The following ABLIM2 variants were observed in gnomAD, a reference collection of about 807,000 sequenced individuals.
ABLIM2 encodes actin binding LIM protein family member 2.
ABLIM2 carries 53 observed loss-of-function variants against 97.7 expected under a neutral mutation model. That is an observed-to-expected ratio of 0.54 (90% CI 0.44 to 0.68). The LOEUF is 0.68. Ranked by LOEUF, ABLIM2 falls within the 30% of genes least tolerant of loss-of-function variation. The probability of loss-of-function intolerance (pLI) is 0.00; values close to 1 mark genes in which losing one functional copy is unlikely to be tolerated. For missense variants in ABLIM2, 835 were observed against 867.2 expected, an observed-to-expected ratio of 0.96 and a Z score of 0.47; for synonymous variants, 361 against 345.8, an observed-to-expected ratio of 1.04 and a Z score of -0.49.
rs1841396069 is a variant in ABLIM2 at position 8,113,634 on chromosome 4, C to T, written c.11-6997G>A. On this transcript the variant is annotated intron_variant, in intron 1 of 20. Transcript: ENST00000447017. This position sits in a 1 kb window ranked among gnomAD's most constrained non-coding sequence, Gnocchi z 4.5. ...CACACAGGGGAAAACTTGGGGTCCA[C>T]CCATGGCAGGGGTTCTCATCGGAGG... Among the ~76,000 whole-genome samples the T allele has an allele frequency of 6.6e-6, 1 of 152,222 alleles. No individual in the cohort carries two copies. Among genetic ancestry groups the T allele is most frequent in the African/African-American group, 2.4e-5 (1 of 41,460 alleles).
chr4:8,154,026 G>C (rs1297863866), intron 1 of ABLIM2, among the ~76,000 whole-genome samples: 2 of 148,854 alleles, frequency 1.3e-5, no homozygotes, highest in Non-Finnish European at 3.0e-5. Context: ...GCAGTGGCGT[G>C]ATCTCGGCTC....
At chr4:7,989,783 A>G (rs1342188405) in intron 17 of ABLIM2, among the ~76,000 whole-genome samples, 1 of 152,172 alleles carries the variant, frequency 6.6e-6, no homozygotes, top group East Asian at 1.9e-4. Flanking sequence ...CTTTTTCAGA[A>G]TGGGACTTCT....
rs909285409 is a variant in ABLIM2, at chr4:7,992,994, G to A, written c.1619-67C>T. The A allele has an allele frequency of 1.2e-5, 18 of 1,547,682 alleles. No individual in the cohort carries two copies. The Admixed American group carries it at 1.9e-4, about 17-fold the overall frequency. On this transcript the variant is annotated intron_variant, in intron 16 of 20. Coordinates refer to ENST00000447017, the MANE Select transcript of ABLIM2 (RefSeq NM_001130083.2). The surrounding 1 kb of genome is among the most constrained non-coding windows in gnomAD (Gnocchi z 5.7). ...GGTGCAGCAATGGGGGTGCAGCCCT[G>A]GGGGGGCTTCCCACCGGGGTGGGCA... is the stretch of plus-strand genomic sequence containing the variant.
chr4:8,005,564 A>C lies in ABLIM2; in HGVS notation c.1618+2495T>G, dbSNP rs1375389890. 6.6e-6 allele frequency among the ~76,000 whole-genome samples: 1 copy of C among 152,036 alleles called. No individual in the cohort carries two copies. The highest frequency in any genetic ancestry group is 1.5e-5 in the Non-Finnish European group (1 of 67,998). On this transcript the variant is annotated intron_variant, in intron 16 of 20. Transcript: ENST00000447017. This position sits in a 1 kb window ranked among gnomAD's most constrained non-coding sequence, Gnocchi z 4.9. The stretch of plus-strand genomic sequence containing the variant: ...TCAAAAGAACCCCGAGAGAAAAAAA[A>C]GGGTGGCTCCCTCTCAATCTCCATG...
At chr4:8,131,157 A>C (rs1013379651) in intron 1 of ABLIM2, among the ~76,000 whole-genome samples, 7 of 152,152 alleles carry the variant, frequency 4.6e-5, no homozygotes, top group Non-Finnish European at 7.3e-5. Context: ...CCCTTTTTCC[A>C]CATAAGGCAA....
intron 14 of ABLIM2, among the ~76,000 whole-genome samples, chr4:8,013,894 T>C (rs974731382): frequency 1.1e-4 from 16 of 152,204 alleles, no homozygotes; most frequent in Non-Finnish European, 2.1e-4. Context: ...GAGATGGACA[T>C]GGCACAGGGG....
At chr4:8,100,594 A>C (rs9884659) in intron 2 of ABLIM2, among the ~76,000 whole-genome samples, 3,774 of 152,078 alleles carry the variant, frequency 0.025, 172 homozygotes, top group African/African-American at 0.086. Context: ...TAAAAATGCA[A>C]AACTAGCTGG....
chr4:8,035,229 G>A (rs998351039), intron 10 of ABLIM2, among the ~76,000 whole-genome samples: 15 of 152,028 alleles, frequency 9.9e-5, no homozygotes, highest in African/African-American at 3.4e-4. Flanking sequence ...AGCAAGTCAG[G>A]AGGGCACCTG....
chr4:8,097,200 G>A lies in ABLIM2; in HGVS notation c.237C>T (p.Tyr79=), dbSNP rs201526857. 1.8e-4 allele frequency: 284 copies of A among 1,594,524 alleles called. No homozygotes were observed. The highest frequency in any genetic ancestry group is 1.5e-4 in the Non-Finnish European group (174 of 1,171,218). Residue 79 remains tyrosine (Y), a synonymous_variant, in exon 3 of 21, where the codon TAC becomes TAT. Coordinates refer to ENST00000447017, the MANE Select transcript of ABLIM2 (RefSeq NM_001130083.2). ...YICTLDYQRL[Y]GTRCFSCDQF... is the part of the protein sequence containing the mutation. ...GGTCGCAGCTGAAGCAGCGGGTGCC[G>A]TAGAGCCTCTGGTAGTCCAGCGTGC...
Position 7,966,927 on chromosome 4 carries a change from G to A in ABLIM2, c.*63C>T. 2 of 1,238,874 alleles carry A rather than the reference G, an allele frequency of 1.6e-6. No homozygotes were observed. Among genetic ancestry groups the A allele is most frequent in the Non-Finnish European group, 1.2e-6 (1 of 855,630 alleles). 76.7% of individuals were successfully genotyped at this position (1,238,874 alleles called of 1,614,324 possible). ...AAGGTGTGTGGGAGGGGTGTGTGCG[G>A]TTCTCGCCAGGGGCCCCTGGCCTCG... On this transcript the variant is annotated 3_prime_UTR_variant, in exon 21 of 21. Transcript: ENST00000447017.
At chr4:8,036,423 C>A (rs1784508000) in intron 9 of ABLIM2, 128 bp from the exon 10 acceptor site, 2 of 1,175,528 alleles carry the variant, frequency 1.7e-6, no homozygotes, top group Non-Finnish European at 2.4e-6. Context: ...AGGACAGTGC[C>A]CCCAAAGCCA....
rs1481557449 is a variant in ABLIM2 at position 7,998,484 on chromosome 4, G to A, written c.1619-5557C>T. 6.6e-6 allele frequency among the ~76,000 whole-genome samples: 1 copy of A among 151,862 alleles called. No homozygotes were observed. The highest frequency in any genetic ancestry group is 6.6e-5 in the Admixed American group (1 of 15,224). ...GCCCACCTGGGTCCCTGCCGGTGCTGCCTGTGGGGATAAAATGCCCTTCTT... is the reference window on the plus strand; with the variant it reads ...GCCCACCTGGGTCCCTGCCGGTGCTACCTGTGGGGATAAAATGCCCTTCTT... On this transcript the variant is annotated intron_variant, in intron 16 of 20. Coordinates refer to ENST00000447017, the MANE Select transcript of ABLIM2 (RefSeq NM_001130083.2). This position sits in a 1 kb window ranked among gnomAD's most constrained non-coding sequence, Gnocchi z 6.4.
In ABLIM2 at chr4:7,998,590, T is replaced by G; in HGVS notation, c.1619-5663A>C. 2.1e-6 allele frequency: 1 copy of G among 481,338 alleles called. No individual in the cohort carries two copies. Among genetic ancestry groups the G allele is most frequent in the Admixed American group, 2.2e-5 (1 of 46,240 alleles). 29.8% of individuals were successfully genotyped at this position (481,338 alleles called of 1,614,324 possible). On this transcript the variant is annotated intron_variant, in intron 16 of 20. Coordinates refer to ENST00000447017, the MANE Select transcript of ABLIM2 (RefSeq NM_001130083.2). The surrounding 1 kb of genome is among the most constrained non-coding windows in gnomAD (Gnocchi z 6.4). ...ATGCCCCTGGGTTCACTCCCAGGAC[T>G]GCGGGGTGCCTGCTGGCCACCTGCC...
chr4:8,158,757 C>CGCGCCCGCGCTATCCT lies in ABLIM2; in HGVS notation c.-84_-69dup. 7.7e-7 allele frequency: 1 copy of CGCGCCCGCGCTATCCT among 1,306,492 alleles called. No individual in the cohort carries two copies. The highest frequency in any genetic ancestry group is 9.7e-7 in the Non-Finnish European group (1 of 1,028,900). 80.9% of individuals were successfully genotyped at this position (1,306,492 alleles called of 1,614,324 possible). On this transcript the variant is annotated 5_prime_UTR_variant, in exon 1 of 21. Transcript: ENST00000447017. Reference sequence around the variant, plus strand: ...GCCAGACCCTCGGGCCCGCAGGTGCCGCGCCCGCGCTATCCTCCGCCCGCC... The same window carrying CGCGCCCGCGCTATCCT: ...GCCAGACCCTCGGGCCCGCAGGTGCCGCGCCCGCGCTATCCTGCGCCCGCGCTATCCTCCGCCCGCC...
In ABLIM2 at chr4:8,044,989, A is replaced by C. The variant is rs1303304150; in HGVS notation, c.900+175T>G. On this transcript the variant is annotated intron_variant, in intron 9 of 20. Coordinates refer to ENST00000447017, the MANE Select transcript of ABLIM2 (RefSeq NM_001130083.2). The surrounding 1 kb of genome is among the most constrained non-coding windows in gnomAD (Gnocchi z 4.4). ...ACAAACATGTCTGTGTTTCAGACTC[A>C]TAAAGCCTGTACCAACCTCCACCCC... Among the ~76,000 whole-genome samples the C allele has an allele frequency of 6.6e-6, 1 of 152,216 alleles. No individual in the cohort carries two copies. Among genetic ancestry groups the C allele is most frequent in the African/African-American group, 2.4e-5 (1 of 41,450 alleles).
Position 8,044,697 on chromosome 4 carries a change from A to C in ABLIM2, c.900+467T>G, listed in dbSNP as rs1311617005. Among the ~76,000 whole-genome samples the C allele has an allele frequency of 1.9e-4, 12 of 61,568 alleles. No homozygotes were observed. The highest frequency in any genetic ancestry group is 1.9e-3 in the East Asian group (4 of 2,084). 40.4% of individuals were successfully genotyped at this position (61,568 alleles called of 152,430 possible). A position where few individuals can be genotyped will look rare whatever the true frequency, so the allele number is the denominator to read the frequency against. ...TCTCTCTCTCTCTCTCTCTCGAACG[A>C]ACGAAAACGGGATCACATAATTTAC... is the stretch of plus-strand genomic sequence containing the variant. On this transcript the variant is annotated intron_variant, in intron 9 of 20. Coordinates refer to ENST00000447017, the MANE Select transcript of ABLIM2 (RefSeq NM_001130083.2). This position sits in a 1 kb window ranked among gnomAD's most constrained non-coding sequence, Gnocchi z 4.4.
At chr4:8,086,912 G>A (rs1824054585) in intron 4 of ABLIM2, among the ~76,000 whole-genome samples, 1 of 151,952 alleles carries the variant, frequency 6.6e-6, no homozygotes, top group Non-Finnish European at 1.5e-5. Context: ...CCCGGAAGCA[G>A]CGCCCTCCCG....
At chr4:8,097,890 C>G (rs950272547) in intron 2 of ABLIM2, among the ~76,000 whole-genome samples, 1 of 152,084 alleles carries the variant, frequency 6.6e-6, no homozygotes. Flanking sequence ...GAGGAGAGAG[C>G]CTGTGGACTC....
At chr4:7,975,047 T>C (rs1434444175) in intron 20 of ABLIM2, among the ~76,000 whole-genome samples, 1 of 152,000 alleles carries the variant, frequency 6.6e-6, no homozygotes, top group Non-Finnish European at 1.5e-5. Context: ...AGTAAGACCC[T>C]GTCTCTACAA....
Sources: gnomAD v4.1 joint callset for allele counts (sites outside exome capture counted in the v4.1 genomes callset) on GRCh38, gnomAD v4.1.1 for gene constraint, Gnocchi (gnomAD v3.1) non-coding constraint, MANE v1.5 for transcripts, NCBI Gene and HGNC (gene_info 2026-07-23, HGNC 2026-07-21) for gene names.